Variants in EMP2 observed in about 807,000 individuals in gnomAD.
EMP2 encodes the protein epithelial membrane protein 2.
A neutral mutation model predicts 13.7 loss-of-function variants in EMP2; 19 were observed. That is an observed-to-expected ratio of 1.38 (90% CI 0.97 to 2.03). The LOEUF (loss-of-function observed/expected upper bound fraction) is 2.03, where lower values mean the gene tolerates loss of function less well. Among genes scored for constraint, EMP2 ranks in the 30% most tolerant of loss-of-function variants. EMP2 has a pLI of 0.00. For missense variants in EMP2, 253 were observed against 220.7 expected (o/e 1.15, Z -0.93); for synonymous variants, 97 against 84.7 (o/e 1.15, Z -0.80).
intron 1 of EMP2, among the ~76,000 whole-genome samples, chr16:10,550,629 G>C (rs1192595335): frequency 6.6e-6 from 1 of 152,084 alleles, no homozygotes; most frequent in African/African-American, 2.4e-5. Context: ...TTGATCACTG[G>C]GTTGTGTTCT....
chr16:10,539,137 T>G (rs975356967), intron 3 of EMP2, among the ~76,000 whole-genome samples: 44 of 152,082 alleles, frequency 2.9e-4, no homozygotes, highest in African/African-American at 1.1e-3. Flanking sequence ...GGGAGTCCTG[T>G]GTAAGAGCTG....
chr16:10,556,731 T>C (rs2050830509), intron 1 of EMP2, among the ~76,000 whole-genome samples: 3 of 152,226 alleles, frequency 2.0e-5, no homozygotes, highest in African/African-American at 4.8e-5. Context: ...AAGGTATCTT[T>C]ATCCCCATTT....
At chr16:10,562,691 A>G (rs919516771) in intron 1 of EMP2, among the ~76,000 whole-genome samples, 3 of 152,234 alleles carry the variant, frequency 2.0e-5, no homozygotes, top group African/African-American at 7.2e-5. Flanking sequence ...AGCAAGAGCT[A>G]ACTGATACAG....
intron 1 of EMP2, among the ~76,000 whole-genome samples, chr16:10,552,770 T>G (rs1839760514): frequency 6.6e-6 from 1 of 152,236 alleles, no homozygotes; most frequent in Non-Finnish European, 1.5e-5. Context: ...TGGTCCTCAG[T>G]GTCAGTAGAA....
intron 1 of EMP2, among the ~76,000 whole-genome samples, chr16:10,547,991 G>T (rs147275747): frequency 6.6e-6 from 1 of 152,046 alleles, no homozygotes; most frequent in Non-Finnish European, 1.5e-5. Flanking sequence ...CCATAATTGC[G>T]CCACTGCACT....
chr16:10,548,751 C>T (rs1167423276), intron 1 of EMP2, among the ~76,000 whole-genome samples: 1 of 151,970 alleles, frequency 6.6e-6, no homozygotes, highest in Non-Finnish European at 1.5e-5. Flanking sequence ...CACTCAGACA[C>T]CATTCTTCTT....
At chr16:10,562,396 C>G (rs2050879134) in intron 1 of EMP2, among the ~76,000 whole-genome samples, 1 of 150,702 alleles carries the variant, frequency 6.6e-6, no homozygotes, top group Admixed American at 6.6e-5. Context: ...ATCTCTCTCT[C>G]TCTATCTCTA....
intron 1 of EMP2, among the ~76,000 whole-genome samples, chr16:10,551,021 C>T (rs1323496581): frequency 6.6e-6 from 1 of 151,658 alleles, no homozygotes; most frequent in Non-Finnish European, 1.5e-5. Context: ...ATACACATAA[C>T]ATTTACTATT....
At chr16:10,539,576 G>A (rs961420276) in intron 3 of EMP2, among the ~76,000 whole-genome samples, 2 of 152,274 alleles carry the variant, frequency 1.3e-5, no homozygotes, top group East Asian at 3.9e-4. Context: ...AAGGGGGCCC[G>A]AGGAACTTTC....
chr16:10,536,501 C>T (rs2050648175), intron 4 of EMP2, among the ~76,000 whole-genome samples: 1 of 152,180 alleles, frequency 6.6e-6, no homozygotes, highest in Non-Finnish European at 1.5e-5. Context: ...TTCCCCTGCA[C>T]ACGCTCTCTT....
chr16:10,559,375 C>G (rs1277876823), intron 1 of EMP2, among the ~76,000 whole-genome samples: 1 of 152,256 alleles, frequency 6.6e-6, no homozygotes, highest in African/African-American at 2.4e-5. Context: ...GGCCGCCCAG[C>G]TCCATGCTCA....
chr16:10,547,492 G>T, intron 2 of EMP2, 48 bp downstream of exon 2: 3 of 1,593,526 alleles, frequency 1.9e-6, no homozygotes, highest in South Asian at 2.2e-5. Flanking sequence ...CACTTCTATT[G>T]ACTGCAGGAC....
At chr16:10,539,272 T>C (rs2050675801) in intron 3 of EMP2, among the ~76,000 whole-genome samples, 1 of 152,214 alleles carries the variant, frequency 6.6e-6, no homozygotes, top group Non-Finnish European at 1.5e-5. Flanking sequence ...TTTCCTTCAA[T>C]TTTGCAGTTT....
At chr16:10,568,985 G>A (rs886151005) in intron 1 of EMP2, among the ~76,000 whole-genome samples, 5 of 151,834 alleles carry the variant, frequency 3.3e-5, no homozygotes, top group East Asian at 1.9e-4. Flanking sequence ...ATGGGGTTTC[G>A]CCATGTTGGC....
chr16:10,564,316 C>G (rs941548071), intron 1 of EMP2, among the ~76,000 whole-genome samples: 3 of 151,926 alleles, frequency 2.0e-5, no homozygotes, highest in African/African-American at 4.8e-5. Flanking sequence ...CATGGTGAAA[C>G]CCTGTCTCTG....
chr16:10,551,365 C>T (rs1449446582), intron 1 of EMP2, among the ~76,000 whole-genome samples: 1 of 152,190 alleles, frequency 6.6e-6, no homozygotes, highest in East Asian at 1.9e-4. Flanking sequence ...AAGAAACTTT[C>T]ACTCAGAGTT....
chr16:10,547,822 C>G (rs2050751397), intron 1 of EMP2, 145 bp from the exon 2 acceptor site: 1 of 562,224 alleles, frequency 1.8e-6, no homozygotes, highest in African/African-American at 1.9e-5. Context: ...CACTTGAGCC[C>G]AGGAGATTGA....
At chr16:10,568,307 G>A (rs563542605) in intron 1 of EMP2, among the ~76,000 whole-genome samples, 5 of 152,234 alleles carry the variant, frequency 3.3e-5, no homozygotes, top group African/African-American at 7.2e-5. Context: ...GCTGCCTCAC[G>A]TTCCTGGTGA....
At chr16:10,551,567 T>C (rs1433182891) in intron 1 of EMP2, among the ~76,000 whole-genome samples, 1 of 152,140 alleles carries the variant, frequency 6.6e-6, no homozygotes, top group Non-Finnish European at 1.5e-5. Flanking sequence ...CTACTACGCC[T>C]GGCTAATTTT....
Sources: allele counts gnomAD v4.1 joint callset (sites outside exome capture counted in the v4.1 genomes callset), GRCh38; gene constraint gnomAD v4.1.1; transcripts MANE v1.5; gene names NCBI Gene and HGNC (gene_info 2026-07-23, HGNC 2026-07-21).